The following KLF8 variants were observed in gnomAD, a reference collection of about 807,000 sequenced individuals.
KLF8 encodes KLF transcription factor 8, also known as Krueppel-like factor 8.
A neutral mutation model predicts 18.2 loss-of-function variants in KLF8; 10 were observed. The ratio of observed to expected loss-of-function variants is 0.55; its 90% confidence interval spans 0.34 to 0.93. The LOEUF (loss-of-function observed/expected upper bound fraction) is 0.93. Ranked by LOEUF, KLF8 falls within the 40% of genes least tolerant of loss-of-function variation. KLF8 has a pLI of 0.02. For missense variants in KLF8, 264 were observed against 277.9 expected, an observed-to-expected ratio of 0.95 and a Z score of 0.36; for synonymous variants, 109 against 97.3, an observed-to-expected ratio of 1.12 and a Z score of -0.71.
chrX:56,272,287 T>A (rs1199485934), intron 5 of KLF8, among the ~76,000 whole-genome samples: 1 of 110,810 alleles, frequency 9.0e-6, no homozygotes. Flanking sequence ...CTCGGATCAC[T>A]GCAACCTCTG....
At chrX:56,174,308 A>G in the KLF8 span, among the ~76,000 whole-genome samples, 10 of 111,795 alleles carry the variant, frequency 8.9e-5, no homozygotes, top group Admixed American at 8.6e-4. Flanking sequence ...AGCATGAAGC[A>G]TTGTTGAATT....
At chrX:56,145,595 T>C in the KLF8 span, among the ~76,000 whole-genome samples, 1 of 112,313 alleles carries the variant, frequency 8.9e-6, no homozygotes. Context: ...ATGTGATATA[T>C]CCAAACAATG....
the KLF8 span, among the ~76,000 whole-genome samples, chrX:55,991,273 C>T: frequency 3.6e-5 from 4 of 112,055 alleles, no homozygotes; most frequent in African/African-American, 1.3e-4. Flanking sequence ...TAGCAATGAG[C>T]GAGGCTCTGT....
At chrX:56,188,446 C>T in the KLF8 span, among the ~76,000 whole-genome samples, 1 of 111,353 alleles carries the variant, frequency 9.0e-6, no homozygotes, top group African/African-American at 3.3e-5. Flanking sequence ...CCATATTGCC[C>T]AAGGTAATTT....
At chrX:56,076,580 G>T in the KLF8 span, among the ~76,000 whole-genome samples, 6 of 111,162 alleles carry the variant, frequency 5.4e-5, no homozygotes, top group Non-Finnish European at 9.4e-5. Context: ...TTGCTATTGT[G>T]AATAGTGCTT....
the KLF8 span, among the ~76,000 whole-genome samples, chrX:56,214,458 C>T: frequency 3.6e-5 from 4 of 112,120 alleles, no homozygotes; most frequent in South Asian, 1.5e-3. Context: ...AGTCCTAATG[C>T]CCAGTATTTC....
chrX:55,938,061 A>G, the KLF8 span, among the ~76,000 whole-genome samples: 2 of 111,362 alleles, frequency 1.8e-5, no homozygotes, highest in Admixed American at 1.9e-4. Context: ...CAACTCCAAG[A>G]CACATAATTG....
At chrX:56,193,235 A>G in the KLF8 span, among the ~76,000 whole-genome samples, 2 of 112,741 alleles carry the variant, frequency 1.8e-5, no homozygotes, top group African/African-American at 6.4e-5. Flanking sequence ...AACATCCCTG[A>G]TCATCAGAGA....
the KLF8 span, among the ~76,000 whole-genome samples, chrX:56,209,131 G>T: frequency 9.0e-6 from 1 of 111,482 alleles, no homozygotes; most frequent in African/African-American, 3.3e-5. Context: ...ATATCTGTTT[G>T]CTGTCGTGTT....
the KLF8 span, chrX:56,014,816 T>A: frequency 6.1e-5 from 4 of 65,959 alleles, 1 homozygote; most frequent in Admixed American, 6.6e-4. Context: ...AACAAGATCA[T>A]GTTTTTTTTT....
the KLF8 span, among the ~76,000 whole-genome samples, chrX:56,210,328 T>G: frequency 1.8e-5 from 2 of 112,067 alleles, no homozygotes; most frequent in African/African-American, 3.2e-5. Flanking sequence ...GGGATAAGTT[T>G]ATTTTTCTTT....
rs910002376 is a variant in KLF8 at position 56,291,457 on chromosome X, C to T, written c.*6963C>T. Among the ~76,000 whole-genome samples, 2 of 111,763 alleles carry T rather than the reference C, an allele frequency of 1.8e-5. No homozygotes were observed. Among genetic ancestry groups the T allele is most frequent in the Non-Finnish European group, 1.9e-5 (1 of 53,123 alleles). ...CTATGGCATCCATGCAGGGTGTGTG[C>T]TTGGGGACTAAGCAATCTTGTTCAG... On this transcript the variant is annotated 3_prime_UTR_variant, in exon 6 of 6. Coordinates refer to ENST00000468660, the MANE Select transcript of KLF8 (RefSeq NM_007250.5).
chrX:55,987,468 G>A, the KLF8 span, among the ~76,000 whole-genome samples: 45 of 110,613 alleles, frequency 4.1e-4, no homozygotes, highest in African/African-American at 1.4e-3. Context: ...TTTTGTCCTT[G>A]CAATAGTTTG....
At chrX:56,265,038 A>T in intron 2 of KLF8, 142 bp from the exon 3 acceptor site, 1 of 661,152 alleles carries the variant, frequency 1.5e-6, no homozygotes, top group Non-Finnish European at 2.1e-6. Context: ...TTTTCTCTTT[A>T]GTTTACTCCT....
chrX:56,198,725 A>G, the KLF8 span, among the ~76,000 whole-genome samples: 14 of 112,214 alleles, frequency 1.2e-4, no homozygotes. Context: ...TCTTCACAGA[A>G]TTGGAAAAAA....
the KLF8 span, among the ~76,000 whole-genome samples, chrX:56,135,946 G>A: frequency 9.0e-6 from 1 of 111,158 alleles, no homozygotes; most frequent in African/African-American, 3.3e-5. Flanking sequence ...ATCACACATA[G>A]GAGAACTAGA....
At chrX:56,120,911 A>AT in the KLF8 span, among the ~76,000 whole-genome samples, 1 of 111,347 alleles carries the variant, frequency 9.0e-6, no homozygotes, top group Non-Finnish European at 1.9e-5. Context: ...TCCGGGCCGA[A>AT]CACAGTGGCT....
chrX:56,076,003 C>T, the KLF8 span, among the ~76,000 whole-genome samples: 3 of 109,496 alleles, frequency 2.7e-5, no homozygotes, highest in Non-Finnish European at 5.7e-5. Context: ...GTTCCCCTTC[C>T]TATGTCCATG....
the KLF8 span, among the ~76,000 whole-genome samples, chrX:56,049,903 C>T: frequency 6.5e-5 from 7 of 107,641 alleles, no homozygotes; most frequent in Admixed American, 5.0e-4. Context: ...GTCCTGGACT[C>T]TTTTTGGTTG....
Sources: allele counts gnomAD v4.1 joint callset (sites outside exome capture counted in the v4.1 genomes callset), GRCh38; gene constraint gnomAD v4.1.1; transcripts MANE v1.5; gene names NCBI Gene and HGNC (gene_info 2026-07-23, HGNC 2026-07-21).